ACVR1B: variants seen among roughly 807,000 people sequenced by gnomAD.
ACVR1B encodes activin receptor type-1B.
In ACVR1B, 15 loss-of-function variants were observed where a neutral mutation model predicts 55.6. That is an observed-to-expected ratio of 0.27 (90% CI 0.18 to 0.42). The LOEUF is 0.42. Among genes scored for constraint, ACVR1B ranks in the 10% least tolerant of loss-of-function variants. The pLI is 1.00. For synonymous variants in ACVR1B, 247 were observed against 254.6 expected (o/e 0.97, Z 0.28); for missense variants, 359 against 670.1 (o/e 0.54, Z 5.13).
intron 7 of ACVR1B, among the ~76,000 whole-genome samples, chr12:51,988,238 A>G (rs1205357991): frequency 6.6e-6 from 1 of 152,176 alleles, no homozygotes; most frequent in Admixed American, 6.5e-5. Flanking sequence ...TGGGAGGCCA[A>G]GGCAGGCGGA....
intron 1 of ACVR1B, among the ~76,000 whole-genome samples, chr12:51,965,978 T>G (rs1941631871): frequency 1.3e-5 from 2 of 151,980 alleles, no homozygotes; most frequent in African/African-American, 4.8e-5. Flanking sequence ...TCTGTGTAGC[T>G]AATGGTGTTG....
chr12:51,966,618 T>A (rs1469408029), intron 1 of ACVR1B, among the ~76,000 whole-genome samples: 2 of 152,126 alleles, frequency 1.3e-5, no homozygotes, highest in Non-Finnish European at 2.9e-5. Context: ...CTAGCTGATA[T>A]GTTTACTTTT....
intron 1 of ACVR1B, 108 bp downstream of exon 1, chr12:51,951,942 A>C: frequency 5.0e-6 from 3 of 603,652 alleles, no homozygotes; most frequent in Non-Finnish European, 7.1e-6. Flanking sequence ...CACGAGCACA[A>C]TATGGCCGGG....
intron 3 of ACVR1B, among the ~76,000 whole-genome samples, chr12:51,976,809 T>C (rs1456506004): frequency 6.6e-6 from 1 of 152,218 alleles, no homozygotes; most frequent in African/African-American, 2.4e-5. Context: ...AATTATCCAC[T>C]ACAGAAGTCC....
intron 3 of ACVR1B, among the ~76,000 whole-genome samples, chr12:51,977,623 T>G (rs1468432133): frequency 4.0e-5 from 6 of 148,770 alleles, no homozygotes; most frequent in African/African-American, 7.5e-5. Flanking sequence ...TTTTTTTTTT[T>G]TTTTTGTTTT....
intron 1 of ACVR1B, among the ~76,000 whole-genome samples, chr12:51,960,750 T>C (rs1235568158): frequency 2.0e-5 from 3 of 152,168 alleles, no homozygotes; most frequent in Non-Finnish European, 2.9e-5. Flanking sequence ...AAAGTGACCT[T>C]CTAACCAGGC....
chr12:51,958,644 CAA>C (rs34307946), intron 1 of ACVR1B, among the ~76,000 whole-genome samples: 10 of 90,552 alleles, frequency 1.1e-4, no homozygotes, highest in Admixed American at 2.3e-4. Flanking sequence ...TGAGACTCCT[CAA>C]AAAAAAAAAA....
intron 8 of ACVR1B, 86 bp downstream of exon 8, chr12:51,992,079 A>T (rs766799447): frequency 1.3e-6 from 2 of 1,564,536 alleles, no homozygotes; most frequent in South Asian, 1.1e-5. Flanking sequence ...GTCAGGCCCC[A>T]GAGGAGCCCC....
At chr12:51,954,648 G>A (rs1941374760) in intron 1 of ACVR1B, among the ~76,000 whole-genome samples, 1 of 152,192 alleles carries the variant, frequency 6.6e-6, no homozygotes, top group South Asian at 2.1e-4. Flanking sequence ...ATGGAGGGAG[G>A]AGGCTGGTTT....
At chr12:51,989,131 C>G (rs989424186) in intron 7 of ACVR1B, among the ~76,000 whole-genome samples, 3 of 151,970 alleles carry the variant, frequency 2.0e-5, no homozygotes, top group African/African-American at 7.3e-5. Flanking sequence ...TGGCGGGCGC[C>G]TGTAATCTCA....
At chr12:51,984,658 A>G (rs1273564534) in intron 5 of ACVR1B, among the ~76,000 whole-genome samples, 2 of 152,364 alleles carry the variant, frequency 1.3e-5, no homozygotes, top group Middle Eastern at 3.4e-3. Flanking sequence ...CTTGTTGATT[A>G]TCATGTCGGC....
chr12:51,956,857 T>C (rs1312567114), intron 1 of ACVR1B, among the ~76,000 whole-genome samples: 1 of 152,124 alleles, frequency 6.6e-6, no homozygotes, highest in Non-Finnish European at 1.5e-5. Context: ...CCTCCCAGGC[T>C]CAAGCAATCC....
At chr12:51,977,447 G>A (rs979478862) in intron 3 of ACVR1B, among the ~76,000 whole-genome samples, 6 of 151,996 alleles carry the variant, frequency 3.9e-5, no homozygotes, top group East Asian at 3.9e-4. Context: ...ACAGGAATGC[G>A]CCACCACAGC....
chr12:51,972,133 G>A (rs1207960245), intron 1 of ACVR1B, among the ~76,000 whole-genome samples: 2 of 152,180 alleles, frequency 1.3e-5, no homozygotes, highest in South Asian at 2.1e-4. Flanking sequence ...TTAGCTGGGC[G>A]TGGTGGCACA....
At chr12:51,988,157 T>TAATTTAAGTA (rs1942118175) in intron 7 of ACVR1B, among the ~76,000 whole-genome samples, 2 of 152,202 alleles carry the variant, frequency 1.3e-5, no homozygotes, top group African/African-American at 4.8e-5. Flanking sequence ...TCTTAAATTT[T>TAATTTAAGTA]GATCAGTATA....
chr12:51,989,083 C>G (rs1001552004), intron 7 of ACVR1B, among the ~76,000 whole-genome samples: 3 of 152,108 alleles, frequency 2.0e-5, no homozygotes, highest in African/African-American at 7.2e-5. Context: ...ATGTGAAGCC[C>G]TATCTCTATT....
intron 4 of ACVR1B, among the ~76,000 whole-genome samples, chr12:51,981,917 A>G (rs1941988598): frequency 1.3e-5 from 2 of 151,970 alleles, no homozygotes; most frequent in African/African-American, 4.8e-5. Context: ...CAAGGAGGAT[A>G]ACGACAGAAA....
At chr12:51,966,947 A>G (rs963790283) in intron 1 of ACVR1B, among the ~76,000 whole-genome samples, 1 of 152,206 alleles carries the variant, frequency 6.6e-6, no homozygotes, top group East Asian at 1.9e-4. Context: ...GCACTTAAAA[A>G]CATTAAAGGT....
chr12:51,994,026 T>C lies in ACVR1B; in HGVS notation c.1434T>C (p.Tyr478=). 1 of 1,614,136 alleles carries C rather than the reference T, an allele frequency of 6.2e-7. No individual in the cohort carries two copies. The highest frequency in any genetic ancestry group is 1.6e-4 in the Middle Eastern group (1 of 6,062). The change falls in exon 9 of 9, where the codon TAT becomes TAC. Residue 478 remains tyrosine (Y), a synonymous_variant. Coordinates refer to ENST00000257963, the MANE Select transcript of ACVR1B (RefSeq NM_004302.5). The surrounding 1 kb of genome is among the most constrained non-coding windows in gnomAD (Gnocchi z 4.2). ...GGAAGATGATGCGAGAGTGTTGGTATGCCAACGGCGCAGCCCGCCTGACGG... is the reference window on the plus strand; with the variant it reads ...GGAAGATGATGCGAGAGTGTTGGTACGCCAACGGCGCAGCCCGCCTGACGG... ...VMGKMMRECW[Y]ANGAARLTAL...
Sources: gnomAD v4.1 joint callset for allele counts (sites outside exome capture counted in the v4.1 genomes callset) on GRCh38, gnomAD v4.1.1 for gene constraint, Gnocchi (gnomAD v3.1) non-coding constraint, MANE v1.5 for transcripts, NCBI Gene and HGNC (gene_info 2026-07-23, HGNC 2026-07-21) for gene names.